The following FKBP3 variants were observed in gnomAD, a reference collection of about 807,000 sequenced individuals.
FKBP3 encodes FKBP prolyl isomerase 3.
FKBP3 carries 21 observed loss-of-function variants against 30.6 expected under a neutral mutation model. The observed-to-expected ratio is 0.69, with a 90% CI of 0.49 to 0.99. The LOEUF is 0.99. FKBP3 is among the 50% of genes least tolerant of loss of function. The pLI, the probability that FKBP3 is intolerant of heterozygous loss-of-function variation, is 0.00. For synonymous variants in FKBP3, 82 were observed against 91.3 expected (o/e 0.90, Z 0.58); for missense variants, 283 against 261.6 (o/e 1.08, Z -0.56).
At position 45,116,247 on chromosome 14, in the gene FKBP3, G is replaced by A; in HGVS notation, c.626C>T (p.Pro209Leu). The change falls in exon 7 of 7, where the codon CCA becomes CTA. Residue 209 changes from proline to leucine, a missense_variant. Physicochemically the swap from Pro to Leu is moderately conservative, Grantham distance 98. Transcript: ENST00000396062. ...TTCAAAAGTGAGTTTTGCATTTGGT[G>A]GAATTCTGTTGAAGAAGTCAAGGTA... ...GKKGQPDAKI[P>L]PNAKLTFEVE... 2 of 1,612,318 alleles carry A rather than the reference G, an allele frequency of 1.2e-6. No homozygotes were observed. The highest frequency in any genetic ancestry group is 1.7e-6 in the Non-Finnish European group (2 of 1,178,620).
intron 4 of FKBP3, among the ~76,000 whole-genome samples, 157 bp from the exon 5 acceptor site, chr14:45,121,111 T>C (rs1884975775): frequency 6.6e-6 from 1 of 152,180 alleles, no homozygotes; most frequent in Non-Finnish European, 1.5e-5. Context: ...TTTACAAAGA[T>C]CATCCATCAA....
chr14:45,123,678 G>T (rs1012551518), intron 3 of FKBP3, among the ~76,000 whole-genome samples: 1 of 118,342 alleles, frequency 8.5e-6, no homozygotes, highest in Non-Finnish European at 1.6e-5. Flanking sequence ...GCAGTGGCAT[G>T]ATCTCGGCTC....
At chr14:45,124,608 G>A (rs1478984249) in intron 3 of FKBP3, among the ~76,000 whole-genome samples, 1 of 151,508 alleles carries the variant, frequency 6.6e-6, no homozygotes, top group Non-Finnish European at 1.5e-5. Context: ...AGGCTGGAGT[G>A]ATCATACCAC....
At chr14:45,119,740 T>C (rs545198906) in intron 5 of FKBP3, among the ~76,000 whole-genome samples, 6 of 147,922 alleles carry the variant, frequency 4.1e-5, no homozygotes, top group African/African-American at 1.2e-4. Context: ...CAGGCTGGAG[T>C]GCAGTGGCGT....
intron 1 of FKBP3, among the ~76,000 whole-genome samples, chr14:45,132,730 C>A (rs1164564465): frequency 2.0e-5 from 3 of 151,792 alleles, no homozygotes; most frequent in Admixed American, 6.6e-5. Context: ...CCACCACGAC[C>A]GACCGAGACT....
chr14:45,123,397 A>C (rs2052466243), intron 3 of FKBP3, among the ~76,000 whole-genome samples: 1 of 151,868 alleles, frequency 6.6e-6, no homozygotes, highest in Non-Finnish European at 1.5e-5. Context: ...CCGCCTAAGA[A>C]AACTTAAGGC....
At position 45,126,385 on chromosome 14, in the gene FKBP3, G is replaced by A. The variant is rs186917887; in HGVS notation, c.318+3409C>T. 3.4e-3 allele frequency among the ~76,000 whole-genome samples: 521 copies of A among 152,116 alleles called. 8 individuals carry two copies. Among genetic ancestry groups the A allele is most frequent in the African/African-American group, 0.012 (502 of 41,566 alleles). On this transcript the variant is annotated intron_variant, in intron 3 of 6. Coordinates refer to ENST00000396062, the MANE Select transcript of FKBP3 (RefSeq NM_002013.4). ...CGCCTGTAATCCCAGCTACTCAGGA[G>A]GCTAAGGCAGGAGAACTGCTTGAAC...
In FKBP3 at chr14:45,115,638, A is replaced by C; in HGVS notation, c.*560T>G. 1 of 152,720 alleles carries C rather than the reference A, an allele frequency of 6.5e-6. No individual in the cohort carries two copies. Among genetic ancestry groups the C allele is most frequent in the South Asian group, 2.1e-4 (1 of 4,830 alleles). The allele number at this position is 152,720 out of a possible 1,614,324, so 9.5% of individuals were successfully genotyped here. A position where few individuals can be genotyped will look rare whatever the true frequency, so the allele number is the denominator to read the frequency against. ...TTTATTTTGGGGGGATCAATTAGTA[A>C]TATTAACCTTATGTTCACCTTTATT... On this transcript the variant is annotated 3_prime_UTR_variant, in exon 7 of 7. Transcript: ENST00000396062.
chr14:45,125,452 A>G (rs1885075855), intron 3 of FKBP3, among the ~76,000 whole-genome samples: 1 of 152,190 alleles, frequency 6.6e-6, no homozygotes, highest in Non-Finnish European at 1.5e-5. Flanking sequence ...GAAGTTATCA[A>G]ATTTTTCGTT....
intron 1 of FKBP3, among the ~76,000 whole-genome samples, chr14:45,132,838 A>G (rs1245295771): frequency 6.6e-6 from 1 of 152,166 alleles, no homozygotes; most frequent in Non-Finnish European, 1.5e-5. Flanking sequence ...TCCACATGGC[A>G]TGATTTGTTT....
At chr14:45,130,445 C>A (rs371764031) in intron 2 of FKBP3, among the ~76,000 whole-genome samples, 1 of 152,200 alleles carries the variant, frequency 6.6e-6, no homozygotes, top group Non-Finnish European at 1.5e-5. Context: ...GAATTTATAA[C>A]TTCAGTGGAC....
Position 45,115,701 on chromosome 14 carries a change from T to G in FKBP3, c.*497A>C, listed in dbSNP as rs1048517894. ...GTTTTGAAGTACACCTTTTCTAAATTCAGGTCTTGATCTTCCTGCCAAGAT... is the reference window on the plus strand; with the variant it reads ...GTTTTGAAGTACACCTTTTCTAAATGCAGGTCTTGATCTTCCTGCCAAGAT... On this transcript the variant is annotated 3_prime_UTR_variant, in exon 7 of 7. Transcript: ENST00000396062. 8 of 152,652 alleles carry G rather than the reference T, an allele frequency of 5.2e-5. No individual in the cohort carries two copies. The highest frequency in any genetic ancestry group is 1.7e-4 in the African/African-American group (7 of 41,464). 9.5% of individuals were successfully genotyped at this position (152,652 alleles called of 1,614,324 possible).
chr14:45,126,534 T>C (rs1480492840), intron 3 of FKBP3, among the ~76,000 whole-genome samples: 2 of 151,932 alleles, frequency 1.3e-5, no homozygotes, highest in African/African-American at 4.8e-5. Flanking sequence ...ACATGGAATA[T>C]GGAGCTTAGC....
In FKBP3 at chr14:45,116,152, G is replaced by A; in HGVS notation, c.*46C>T. ...GTTGTGTAAATTTCTTCAAGGCCAA[G>A]TTTTATCATTGTTGCTAATATCCTT... On this transcript the variant is annotated 3_prime_UTR_variant, in exon 7 of 7. Coordinates refer to ENST00000396062, the MANE Select transcript of FKBP3 (RefSeq NM_002013.4). 1 of 1,413,290 alleles carries A rather than the reference G, an allele frequency of 7.1e-7. No individual in the cohort carries two copies. The highest frequency in any genetic ancestry group is 1.0e-6 in the Non-Finnish European group (1 of 1,003,202). 87.5% of individuals were successfully genotyped at this position (1,413,290 alleles called of 1,614,324 possible). A position where few individuals can be genotyped will look rare whatever the true frequency, so the allele number is the denominator to read the frequency against.
chr14:45,131,616 A>G (rs890125347), intron 1 of FKBP3, among the ~76,000 whole-genome samples: 5 of 142,734 alleles, frequency 3.5e-5, no homozygotes, highest in Non-Finnish European at 7.5e-5. Flanking sequence ...GTGACAGAGC[A>G]AGACTCTGTC....
At chr14:45,130,908 G>C in intron 1 of FKBP3, 108 bp from the exon 2 acceptor site, 4 of 579,766 alleles carry the variant, frequency 6.9e-6, no homozygotes, top group Non-Finnish European at 6.1e-6. Flanking sequence ...AGTAGTACTA[G>C]TACTGAAGAA....
At chr14:45,131,628 CA>C (rs536298530) in intron 1 of FKBP3, among the ~76,000 whole-genome samples, 551 of 39,440 alleles carry the variant, frequency 0.014, no homozygotes, top group African/African-American at 0.038. Context: ...GACTCTGTCT[CA>C]AAAAAAAAAA....
intron 5 of FKBP3, among the ~76,000 whole-genome samples, chr14:45,119,900 A>G (rs1157667021): frequency 1.3e-5 from 2 of 151,910 alleles, no homozygotes; most frequent in Non-Finnish European, 1.5e-5. Context: ...GTTAGCCAGT[A>G]TGGTCTCGAT....
chr14:45,116,928 A>G (rs1029876994), intron 6 of FKBP3, among the ~76,000 whole-genome samples: 1 of 151,886 alleles, frequency 6.6e-6, no homozygotes, highest in Non-Finnish European at 1.5e-5. Context: ...TGGTCTTGAG[A>G]TGCTTCTTCA....
Sources: gnomAD v4.1 joint callset for allele counts (sites outside exome capture counted in the v4.1 genomes callset) on GRCh38, gnomAD v4.1.1 for gene constraint, MANE v1.5 for transcripts, NCBI Gene and HGNC (gene_info 2026-07-23, HGNC 2026-07-21) for gene names.